Variants in NSF observed in about 807,000 individuals in gnomAD.
NSF encodes the protein vesicle-fusing ATPase.
NSF carries 14 observed loss-of-function variants against 50.3 expected under a neutral mutation model. That is an observed-to-expected ratio of 0.28 (90% CI 0.18 to 0.44). The LOEUF is 0.44. Among genes scored for constraint, NSF ranks in the 20% least tolerant of loss-of-function variants. The pLI is 1.00. For missense variants in NSF, 218 were observed against 504.3 expected (o/e 0.43, Z 5.44); for synonymous variants, 109 against 175.7 (o/e 0.62, Z 3.00).
chr17:46,715,258 A>C (rs1348479971), intron 15 of NSF, among the ~76,000 whole-genome samples: 2 of 152,246 alleles, frequency 1.3e-5, no homozygotes, highest in Admixed American at 6.5e-5. Context: ...AGGTGAAACC[A>C]ATAGTATCTG....
chr17:46,708,960 G>T, intron 13 of NSF, among the ~76,000 whole-genome samples: 1 of 151,240 alleles, frequency 6.6e-6, no homozygotes, highest in Non-Finnish European at 1.5e-5. Flanking sequence ...GAGTAGCTAG[G>T]ACTGCAGGCT....
Position 46,755,364 on chromosome 17 carries a change from A to C in NSF, c.2208A>C (p.Glu736Asp), listed in dbSNP as rs986200060. The change falls in exon 20 of 21, where the codon GAA becomes GAC. Residue 736 changes from glutamate (E) to aspartate (D), a missense_variant. Physicochemically the swap from Glu to Asp is conservative, Grantham distance 45 (BLOSUM62 2). This residue lies in a region of NSF where 209 missense variants were observed against 320.9 expected (regional missense o/e 0.65). Transcript: ENST00000398238. ...AATTCTTGGCCCTCTTAAGAGAAGA[A>C]GGAGCGTAAGTACATACAACATTTA... Reference protein sequence around the residue: ...VRKFLALLREEGASPLDFD With the variant: ...VRKFLALLREDGASPLDFD The C allele has an allele frequency of 1.2e-6, 2 of 1,612,640 alleles. No individual in the cohort carries two copies. Among genetic ancestry groups the C allele is most frequent in the Non-Finnish European group, 1.7e-6 (2 of 1,178,686 alleles).
At chr17:46,722,297 T>G (rs1199152549) in intron 15 of NSF, 1 of 771,270 alleles carries the variant, frequency 1.3e-6, no homozygotes, top group African/African-American at 1.7e-5. Context: ...CTTACCTTCT[T>G]ACCTCCAGCC....
Position 46,731,562 on chromosome 17 carries a change from A to G in NSF, c.1908+2628A>G, listed in dbSNP as rs191912396. Among the ~76,000 whole-genome samples the G allele has an allele frequency of 6.6e-5, 10 of 152,352 alleles. No homozygotes were observed. In the East Asian group the frequency reaches 1.9e-3, roughly 29 times the overall value. ...AGCTACTTAAATGATGAAAGGAGAC[A>G]TAGAGTTAGAAGTGAGGGGTGAGCA... On this transcript the variant is annotated intron_variant, in intron 17 of 20. Coordinates refer to ENST00000398238, the MANE Select transcript of NSF (RefSeq NM_006178.4).
chr17:46,737,133 A>G (rs965960285), intron 17 of NSF, among the ~76,000 whole-genome samples: 2 of 152,220 alleles, frequency 1.3e-5, no homozygotes, highest in Non-Finnish European at 2.9e-5. Context: ...AAAAAGATGA[A>G]TAAGACATTG....
At chr17:46,728,732 T>C (rs1348073177) in intron 16 of NSF, 123 bp from the exon 17 acceptor site, 8 of 547,654 alleles carry the variant, frequency 1.5e-5, no homozygotes, top group Non-Finnish European at 2.5e-5. Flanking sequence ...TCTTATTCTA[T>C]ACATATTCTG....
At chr17:46,739,514 G>T (rs2059046859) in intron 17 of NSF, among the ~76,000 whole-genome samples, 1 of 151,720 alleles carries the variant, frequency 6.6e-6, no homozygotes, top group Non-Finnish European at 1.5e-5. Context: ...ACTCCAGCCT[G>T]GGCAACCAGA....
intron 12 of NSF, among the ~76,000 whole-genome samples, chr17:46,703,638 G>A (rs1345105083): frequency 1.6e-5 from 2 of 125,908 alleles, no homozygotes; most frequent in South Asian, 2.5e-4. Context: ...CCGAGATCGC[G>A]CCACTGCACT....
At position 46,751,605 on chromosome 17, in the gene NSF, A is replaced by G. The variant is rs1213726832; in HGVS notation, c.2146A>G (p.Met716Val). ...CAAGAAGTTACTAATGCTGATCGAG[A>G]TGTCCCTACAGGTAAGGTACTTCGT... ...GIKKLLMLIEMSLQMDPEYRV... is the reference protein window; with the variant it reads ...GIKKLLMLIEVSLQMDPEYRV... Residue 716 changes from methionine (M) to valine (V), a missense_variant, in exon 19 of 21, where the codon ATG (methionine) becomes GTG (valine). By Grantham distance (21) the Met-to-Val change is conservative (BLOSUM62 1). Around this residue, in one of 2 missense-constraint regions of NSF, gnomAD observed 209 missense variants for 320.9 expected, o/e 0.65. Transcript: ENST00000398238. The G allele has an allele frequency of 1.9e-6, 3 of 1,609,232 alleles. No homozygotes were observed. The highest frequency in any genetic ancestry group is 1.1e-5 in the South Asian group (1 of 90,814).
chr17:46,726,099 T>C (rs969338320), intron 15 of NSF, among the ~76,000 whole-genome samples: 11 of 152,224 alleles, frequency 7.2e-5, no homozygotes, highest in African/African-American at 2.7e-4. Flanking sequence ...ACCATTATGG[T>C]CTGATTTGAG....
chr17:46,667,195 ATGCT>A (rs1488819214), intron 8 of NSF, among the ~76,000 whole-genome samples: 1 of 113,594 alleles, frequency 8.8e-6, no homozygotes, highest in Admixed American at 1.0e-4. Flanking sequence ...ACCATAAAGT[ATGCT>A]AAGTGCTTTA....
chr17:46,716,350 G>A (rs1474592282), intron 15 of NSF, among the ~76,000 whole-genome samples: 9 of 150,432 alleles, frequency 6.0e-5, no homozygotes, highest in Admixed American at 4.0e-4. Context: ...TCCACCTCCC[G>A]GGTTCATGCC....
chr17:46,734,892 C>CA, intron 17 of NSF, among the ~76,000 whole-genome samples: 1 of 151,734 alleles, frequency 6.6e-6, no homozygotes, highest in East Asian at 1.9e-4. Flanking sequence ...CCAGTCTTTA[C>CA]AAAAAAAAGT....
chr17:46,712,072 G>T (rs190216495), intron 14 of NSF, among the ~76,000 whole-genome samples: 10 of 152,312 alleles, frequency 6.6e-5, no homozygotes, highest in Middle Eastern at 3.4e-3. Flanking sequence ...TTATGATGGA[G>T]AATGGATTGG....
chr17:46,743,096 G>C (rs575437650), intron 17 of NSF, among the ~76,000 whole-genome samples: 1 of 152,188 alleles, frequency 6.6e-6, no homozygotes, highest in East Asian at 1.9e-4. Context: ...CCTTCGGAGG[G>C]GGTGTCTGAC....
chr17:46,740,920 T>G (rs1224955753), intron 17 of NSF, among the ~76,000 whole-genome samples: 1 of 152,102 alleles, frequency 6.6e-6, no homozygotes, highest in African/African-American at 2.4e-5. Context: ...TCTCAATATC[T>G]TCTTAATTTA....
intron 14 of NSF, 24 bp from the exon 15 acceptor site, chr17:46,713,827 CCT>C: frequency 6.3e-7 from 1 of 1,598,012 alleles, no homozygotes; most frequent in Non-Finnish European, 8.5e-7. Context: ...GCTTTTTTCC[CCT>C]GACTTGCTCA....
rs543671882 is a variant in NSF, at chr17:46,609,810, C to T, written c.13-14434C>T. On this transcript the variant is annotated intron_variant, in intron 1 of 20. Transcript: ENST00000398238. ...AGTTTACTAGATCTTCTAATATTCT[C>T]GGGTGTCTCACTGTTTCTTTTTTTT... is the stretch of plus-strand genomic sequence containing the variant. 7.9e-5 allele frequency among the ~76,000 whole-genome samples: 11 copies of T among 139,558 alleles called. No individual in the cohort carries two copies. The South Asian group carries it at 1.5e-3, about 20-fold the overall frequency. The allele number at this position is 139,558 out of a possible 152,430, so 91.6% of individuals were successfully genotyped here.
intron 13 of NSF, among the ~76,000 whole-genome samples, chr17:46,708,630 T>G (rs1369596343): frequency 6.7e-6 from 1 of 149,730 alleles, no homozygotes; most frequent in Non-Finnish European, 1.5e-5. Flanking sequence ...TAGCTGGGAT[T>G]GTAGGCACCC....
Sources: gnomAD v4.1 joint callset for allele counts (sites outside exome capture counted in the v4.1 genomes callset) on GRCh38, gnomAD v4.1.1 for gene constraint, gnomAD v4.1.1 regional missense constraint, MANE v1.5 for transcripts, NCBI Gene and HGNC (gene_info 2026-07-23, HGNC 2026-07-21) for gene names.